ADD3: variants seen among roughly 807,000 people sequenced by gnomAD.
ADD3 encodes the protein gamma-adducin.
In ADD3, 25 loss-of-function variants were observed where a neutral mutation model predicts 80.2. That is an observed-to-expected ratio of 0.31 (90% CI 0.23 to 0.44). The LOEUF (loss-of-function observed/expected upper bound fraction) is 0.44. Ranked by LOEUF, ADD3 falls within the 20% of genes least tolerant of loss-of-function variation. The pLI, the probability that ADD3 is intolerant of heterozygous loss-of-function variation, is 1.00. For synonymous variants in ADD3, 284 were observed against 289.6 expected, an observed-to-expected ratio of 0.98 and a Z score of 0.20; for missense variants, 829 against 847.5, an observed-to-expected ratio of 0.98 and a Z score of 0.27.
At chr10:110,037,836 G>A (rs555231707) in intron 1 of ADD3, among the ~76,000 whole-genome samples, 1 of 152,042 alleles carries the variant, frequency 6.6e-6, no homozygotes, top group Non-Finnish European at 1.5e-5. Context: ...GGAGGCTGAG[G>A]CAGGCGGATC....
chr10:110,122,576 A>G (rs1407255803), intron 9 of ADD3, among the ~76,000 whole-genome samples: 2 of 151,806 alleles, frequency 1.3e-5, no homozygotes, highest in Non-Finnish European at 2.9e-5. Flanking sequence ...CCTTTGATCA[A>G]CATCTCCCCA....
chr10:110,125,977 C>T, intron 11 of ADD3, 32 bp downstream of exon 11: 1 of 1,565,650 alleles, frequency 6.4e-7, no homozygotes. Context: ...CCAGGGGAGA[C>T]ATTTTAATTG....
In ADD3 at chr10:110,061,758, G is replaced by T. The variant is rs551785695; in HGVS notation, c.-29-38867G>T. On this transcript the variant is annotated intron_variant, in intron 1 of 14. Coordinates refer to ENST00000356080, the MANE Select transcript of ADD3 (RefSeq NM_016824.5). The stretch of plus-strand genomic sequence containing the variant: ...ACACTAGACCCATTATAGGATATTA[G>T]AATTGTATGAAATCTTCAAGGGCAT... Among the ~76,000 whole-genome samples the T allele has an allele frequency of 7.9e-4, 120 of 152,302 alleles. 1 individual carries two copies. The highest frequency in any genetic ancestry group is 2.8e-3 in the African/African-American group (116 of 41,558).
rs190470568 is a variant in ADD3 at position 110,030,254 on chromosome 10, C to T, written c.-30+21955C>T. On this transcript the variant is annotated intron_variant, in intron 1 of 14. Coordinates refer to ENST00000356080, the MANE Select transcript of ADD3 (RefSeq NM_016824.5). ...AGGAGAATCACTTGAACCCAGGAGGCGGAGGTTGCGGTGAGCCAAGATCGC... is the reference window on the plus strand; with the variant it reads ...AGGAGAATCACTTGAACCCAGGAGGTGGAGGTTGCGGTGAGCCAAGATCGC... Among the ~76,000 whole-genome samples the T allele has an allele frequency of 2.5e-3, 371 of 148,930 alleles. 13 individuals are homozygous for T. Among genetic ancestry groups the T allele is most frequent in the Middle Eastern group, 7.0e-3 (2 of 284 alleles).
At chr10:110,115,540 A>G (rs186599476) in intron 3 of ADD3, among the ~76,000 whole-genome samples, 3 of 152,322 alleles carry the variant, frequency 2.0e-5, no homozygotes, top group East Asian at 1.9e-4. Context: ...GAGAAAGAAC[A>G]TAGTGGAGGA....
At chr10:110,101,244 G>A (rs1848774404) in intron 2 of ADD3, among the ~76,000 whole-genome samples, 1 of 152,130 alleles carries the variant, frequency 6.6e-6, no homozygotes, top group Non-Finnish European at 1.5e-5. Context: ...GGCATGAGAA[G>A]ACTTAAGGTT....
At chr10:110,063,751 A>ATAT (rs1362960884) in intron 1 of ADD3, among the ~76,000 whole-genome samples, 2 of 49,396 alleles carry the variant, frequency 4.0e-5, no homozygotes, top group African/African-American at 1.4e-4. Context: ...ATATATATAT[A>ATAT]TATATATATA....
chr10:110,004,484 T>C (rs545554182), upstream of ADD3, among the ~76,000 whole-genome samples: 7 of 152,184 alleles, frequency 4.6e-5, no homozygotes, highest in African/African-American at 1.4e-4. Flanking sequence ...CTAATTTTTG[T>C]ATTTTTAGTA....
chr10:110,081,231 T>C (rs1846017779), intron 1 of ADD3, among the ~76,000 whole-genome samples: 1 of 152,204 alleles, frequency 6.6e-6, no homozygotes. Context: ...ATTATTAGTG[T>C]TCCTTGTTAA....
In ADD3 at chr10:110,125,924, G is replaced by C. The variant is rs1335934627; in HGVS notation, c.1500G>C (p.Glu500Asp). ...QFVPLNTNPN[E>D]VLEKRNKIRE... ...TTCCTTTAAACACAAACCCGAATGAGGTACTAGAAAAGAGAAATAAGGTAA... is the reference window on the plus strand; with the variant it reads ...TTCCTTTAAACACAAACCCGAATGACGTACTAGAAAAGAGAAATAAGGTAA... The change falls in exon 11 of 15, where the codon GAG (glutamate) becomes GAC (aspartate). Residue 500 changes from glutamate to aspartate, a missense_variant. Physicochemically the swap from Glu to Asp is conservative, Grantham distance 45. Transcript: ENST00000356080. The C allele has an allele frequency of 6.2e-7, 1 of 1,606,804 alleles. No homozygotes were observed. Among genetic ancestry groups the C allele is most frequent in the African/African-American group, 1.3e-5 (1 of 74,866 alleles).
At chr10:110,107,991 T>C (rs1360385955) in intron 2 of ADD3, among the ~76,000 whole-genome samples, 1 of 152,170 alleles carries the variant, frequency 6.6e-6, no homozygotes, top group African/African-American at 2.4e-5. Flanking sequence ...TGCTCTTCTG[T>C]ATCTGAGAAA....
At chr10:110,081,682 A>G (rs1846076238) in intron 1 of ADD3, among the ~76,000 whole-genome samples, 2 of 152,174 alleles carry the variant, frequency 1.3e-5, no homozygotes, top group African/African-American at 2.4e-5. Flanking sequence ...TGATGTATAA[A>G]AAACTGTTGG....
At chr10:110,058,999 C>T (rs547383764) in intron 1 of ADD3, among the ~76,000 whole-genome samples, 1 of 152,334 alleles carries the variant, frequency 6.6e-6, no homozygotes, top group East Asian at 1.9e-4. Flanking sequence ...TTATAAATCA[C>T]TTAAAAATTA....
At chr10:110,064,705 C>G (rs12242021) in intron 1 of ADD3, among the ~76,000 whole-genome samples, 18,037 of 152,156 alleles carry the variant, frequency 0.12, 3,419 homozygotes, top group African/African-American at 0.4. Flanking sequence ...TGTCTCTTCC[C>G]TTTTTCTGAA....
chr10:110,046,003 T>C (rs1856867715), intron 1 of ADD3, among the ~76,000 whole-genome samples: 1 of 152,216 alleles, frequency 6.6e-6, no homozygotes, highest in Non-Finnish European at 1.5e-5. Flanking sequence ...TATTATTGTG[T>C]ATCTTTCATT....
chr10:110,126,587 C>T, intron 12 of ADD3, 84 bp downstream of exon 12: 1 of 1,008,818 alleles, frequency 9.9e-7, no homozygotes, highest in Non-Finnish European at 1.5e-6. Context: ...TTTATTTTTA[C>T]TAAGGTTAAT....
intron 1 of ADD3, among the ~76,000 whole-genome samples, chr10:110,017,278 C>G (rs1293187361): frequency 1.3e-5 from 2 of 152,170 alleles, no homozygotes; most frequent in Non-Finnish European, 2.9e-5. Context: ...AATACTGATG[C>G]TGGGGTTCTT....
intron 1 of ADD3, among the ~76,000 whole-genome samples, chr10:110,021,181 T>C (rs1430335225): frequency 6.6e-6 from 1 of 152,260 alleles, no homozygotes; most frequent in Non-Finnish European, 1.5e-5. Flanking sequence ...TTATTTTAAC[T>C]GCTAAGGACA....
chr10:110,037,412 C>G, intron 1 of ADD3, among the ~76,000 whole-genome samples: 1 of 151,902 alleles, frequency 6.6e-6, no homozygotes, highest in Non-Finnish European at 1.5e-5. Flanking sequence ...TGAGACCAGC[C>G]TGGCCAACAT....
Sources: gnomAD v4.1 joint callset for allele counts (sites outside exome capture counted in the v4.1 genomes callset) on GRCh38, gnomAD v4.1.1 for gene constraint, MANE v1.5 for transcripts, NCBI Gene and HGNC (gene_info 2026-07-23, HGNC 2026-07-21) for gene names.